ZBTB41: variants seen among roughly 807,000 people sequenced by gnomAD.
ZBTB41 encodes zinc finger and BTB domain containing 41, also known as zinc finger and BTB domain-containing protein 41.
A neutral mutation model predicts 87.6 loss-of-function variants in ZBTB41; 42 were observed. The observed-to-expected ratio is 0.48, with a 90% CI of 0.37 to 0.62. ZBTB41 has a LOEUF of 0.62. Among genes scored for constraint, ZBTB41 ranks in the 20% least tolerant of loss-of-function variants. ZBTB41 has a pLI of 0.00. For synonymous variants in ZBTB41, 364 were observed against 364.0 expected (o/e 1.00, Z 0.00); for missense variants, 799 against 1,078.9 (o/e 0.74, Z 3.63).
rs370667689 is a variant in ZBTB41 at position 197,171,262 on chromosome 1, T to C, written c.2074+898A>G. Among the ~76,000 whole-genome samples the C allele has an allele frequency of 9.2e-5, 14 of 152,112 alleles. No individual in the cohort carries two copies. The East Asian group carries it at 9.6e-4, about 10-fold the overall frequency. On this transcript the variant is annotated intron_variant, in intron 10 of 10. Coordinates refer to ENST00000367405, the MANE Select transcript of ZBTB41 (RefSeq NM_194314.3). Reference sequence around the variant, plus strand: ...ACACTTTTATTTATGCTCTCCCAAATTATGCCTTTTTTTATTTGGAGAGGG... The same window carrying C: ...ACACTTTTATTTATGCTCTCCCAAACTATGCCTTTTTTTATTTGGAGAGGG...
rs904694878 is a variant in ZBTB41 at position 197,157,375 on chromosome 1, C to T, written c.*1984G>A. On this transcript the variant is annotated 3_prime_UTR_variant, in exon 11 of 11. Coordinates refer to ENST00000367405, the MANE Select transcript of ZBTB41 (RefSeq NM_194314.3). Reference sequence around the variant, plus strand: ...ATAAGTCTAAACTTTTCTACATTAGCTTATATGTAAGGCAGGCTACATTTT... The same window carrying T: ...ATAAGTCTAAACTTTTCTACATTAGTTTATATGTAAGGCAGGCTACATTTT... 6.6e-6 allele frequency: 1 copy of T among 151,466 alleles called. No individual in the cohort carries two copies. Among genetic ancestry groups the T allele is most frequent in the African/African-American group, 2.4e-5 (1 of 41,324 alleles). 9.4% of individuals were successfully genotyped at this position (151,466 alleles called of 1,614,324 possible).
rs745997442 is a variant in ZBTB41 at position 197,158,089 on chromosome 1, A to G, written c.*1270T>C. The stretch of plus-strand genomic sequence containing the variant: ...TTATCTTAGTTTTTAGTTAAAATTG[A>G]CTTGAAAATATGGAAAGTGCATGTC... On this transcript the variant is annotated 3_prime_UTR_variant, in exon 11 of 11. Coordinates refer to ENST00000367405, the MANE Select transcript of ZBTB41 (RefSeq NM_194314.3). 1.3e-5 allele frequency: 2 copies of G among 152,390 alleles called. No individual in the cohort carries two copies. Among genetic ancestry groups the G allele is most frequent in the Non-Finnish European group, 2.9e-5 (2 of 67,866 alleles). 9.4% of individuals were successfully genotyped at this position (152,390 alleles called of 1,614,324 possible).
chr1:197,160,098 G>A, intron 10 of ZBTB41, 84 bp from the exon 11 acceptor site: 2 of 1,045,686 alleles, frequency 1.9e-6, no homozygotes, highest in South Asian at 1.6e-5. Flanking sequence ...AACTTCCAAT[G>A]TGAATACTTG....
rs199720512 is a variant in ZBTB41 at position 197,200,315 on chromosome 1, T to A, written c.159A>T (p.Glu53Asp). 775 of 1,614,006 alleles carry A rather than the reference T, an allele frequency of 4.8e-4. 1 individual carries two copies. Among genetic ancestry groups the A allele is most frequent in the Non-Finnish European group, 6.2e-4 (737 of 1,180,014 alleles). Residue 53 changes from glutamate to aspartate, a missense_variant, in exon 2 of 11, where the codon GAA becomes GAT. This residue lies in a region of ZBTB41 where 77 missense variants were observed against 68.4 expected (regional missense o/e 1.13). Transcript: ENST00000367405. ...TTCTCTGATCTGGAGAGGGAGGAAG[T>A]TCCTGGTAACAGTGAAGAGCTTCAG... Reference protein sequence around the residue: ...PTPEALHCYQELPPSPDQRKL... With the variant: ...PTPEALHCYQDLPPSPDQRKL...
Position 197,166,097 on chromosome 1 carries a change from G to T in ZBTB41, c.2074+6063C>A, listed in dbSNP as rs182139794. Among the ~76,000 whole-genome samples, 275 of 152,250 alleles carry T rather than the reference G, an allele frequency of 1.8e-3. 1 individual carries two copies. Among genetic ancestry groups the T allele is most frequent in the African/African-American group, 6.4e-3 (265 of 41,530 alleles). Reference sequence around the variant, plus strand: ...AGTACAAATACCTGATGTAGGTGACGGGTTGATGGGTGCAGGAAACCACCA... The same window carrying T: ...AGTACAAATACCTGATGTAGGTGACTGGTTGATGGGTGCAGGAAACCACCA... On this transcript the variant is annotated intron_variant, in intron 10 of 10. Coordinates refer to ENST00000367405, the MANE Select transcript of ZBTB41 (RefSeq NM_194314.3).
At position 197,159,775 on chromosome 1, in the gene ZBTB41, A is replaced by G. The variant is rs1359925886; in HGVS notation, c.2314T>C (p.Ser772Pro). 2 of 1,613,860 alleles carry G rather than the reference A, an allele frequency of 1.2e-6. No homozygotes were observed. Among genetic ancestry groups the G allele is most frequent in the African/African-American group, 2.7e-5 (2 of 74,896 alleles). The change falls in exon 11 of 11, where the codon TCT becomes CCT. Residue 772 changes from serine (S) to proline (P), a missense_variant. Coordinates refer to ENST00000367405, the MANE Select transcript of ZBTB41 (RefSeq NM_194314.3). ...KLVSLPVEYS[S>P]DDKIFQTETK... ...TCTGTTTGAAAGATTTTGTCATCAG[A>G]TGAGTACTCAACTGGCAAGGATACA...
chr1:197,165,657 A>G (rs187868333), intron 10 of ZBTB41, among the ~76,000 whole-genome samples: 1 of 152,190 alleles, frequency 6.6e-6, no homozygotes, highest in African/African-American at 2.4e-5. Flanking sequence ...TATGGAAGGT[A>G]ACTAAAGCAG....
chr1:197,200,482 A>T lies in ZBTB41; in HGVS notation c.-9T>A. The T allele has an allele frequency of 6.4e-7, 1 of 1,557,128 alleles. No homozygotes were observed. Among genetic ancestry groups the T allele is most frequent in the Non-Finnish European group, 8.6e-7 (1 of 1,157,942 alleles). On this transcript the variant is annotated 5_prime_UTR_variant, in exon 2 of 11. Transcript: ENST00000367405. ...TTTCTCCTCTTCTTCATTGCAGTACAGCAATTTCAGAACAAGAAACTTCAT... is the reference window on the plus strand; with the variant it reads ...TTTCTCCTCTTCTTCATTGCAGTACTGCAATTTCAGAACAAGAAACTTCAT...
chr1:197,195,826 C>T (rs941886136), intron 2 of ZBTB41, among the ~76,000 whole-genome samples: 1 of 152,100 alleles, frequency 6.6e-6, no homozygotes, highest in Non-Finnish European at 1.5e-5. Context: ...GAGAGGAAGA[C>T]AGCCGGTAGC....
At chr1:197,188,790 T>C (rs559108427) in intron 4 of ZBTB41, among the ~76,000 whole-genome samples, 1 of 152,210 alleles carries the variant, frequency 6.6e-6, no homozygotes, top group Non-Finnish European at 1.5e-5. Flanking sequence ...TGTTGCCATA[T>C]ATTTGAATAA....
chr1:197,157,054 A>T lies in ZBTB41; in HGVS notation c.*2305T>A, dbSNP rs1263373844. ...AAAGCATTTTATAAAACAGTAAATC[A>T]CTACTCAAGTTTAAGTTATCTACAA... On this transcript the variant is annotated 3_prime_UTR_variant, in exon 11 of 11. Transcript: ENST00000367405. 1 of 152,214 alleles carries T rather than the reference A, an allele frequency of 6.6e-6. No individual in the cohort carries two copies. Among genetic ancestry groups the T allele is most frequent in the East Asian group, 1.9e-4 (1 of 5,196 alleles). The allele number at this position is 152,214 out of a possible 1,614,324, so 9.4% of individuals were successfully genotyped here.
At chr1:197,196,258 GTGT>G (rs1348167123) in intron 2 of ZBTB41, among the ~76,000 whole-genome samples, 1 of 152,126 alleles carries the variant, frequency 6.6e-6, no homozygotes, top group Non-Finnish European at 1.5e-5. Context: ...TCGAACTCCT[GTGT>G]TGTTATTTTT....
At chr1:197,163,841 C>T (rs1179552338) in intron 10 of ZBTB41, among the ~76,000 whole-genome samples, 2 of 151,426 alleles carry the variant, frequency 1.3e-5, no homozygotes, top group Non-Finnish European at 2.9e-5. Context: ...TCTAAAGTGC[C>T]AAATGAAAAA....
At chr1:197,167,117 G>A (rs1435816938) in intron 10 of ZBTB41, among the ~76,000 whole-genome samples, 1 of 152,060 alleles carries the variant, frequency 6.6e-6, no homozygotes, top group Non-Finnish European at 1.5e-5. Flanking sequence ...CAAAATATAA[G>A]CAAATTGAAT....
intron 10 of ZBTB41, among the ~76,000 whole-genome samples, chr1:197,161,483 T>G (rs1319229269): frequency 3.2e-5 from 2 of 63,354 alleles, no homozygotes; most frequent in Non-Finnish European, 9.0e-5. Context: ...TTGTAGCCCA[T>G]TGGAACCTTC....
chr1:197,157,478 T>C lies in ZBTB41; in HGVS notation c.*1881A>G, dbSNP rs1163271264. The stretch of plus-strand genomic sequence containing the variant: ...CTTTATGATGAAAATCATAAAGATA[T>C]GTATTTTTAAAAGTCAATTTGAAAG... On this transcript the variant is annotated 3_prime_UTR_variant, in exon 11 of 11. Transcript: ENST00000367405. 1 of 151,780 alleles carries C rather than the reference T, an allele frequency of 6.6e-6. No individual in the cohort carries two copies. The highest frequency in any genetic ancestry group is 1.5e-5 in the Non-Finnish European group (1 of 67,722). The allele number at this position is 151,780 out of a possible 1,614,324, so 9.4% of individuals were successfully genotyped here.
chr1:197,171,836 G>A (rs1659486888), intron 10 of ZBTB41, among the ~76,000 whole-genome samples: 1 of 151,808 alleles, frequency 6.6e-6, no homozygotes, highest in Non-Finnish European at 1.5e-5. Flanking sequence ...AAAGCCTTCA[G>A]AAAGCAAAAT....
intron 5 of ZBTB41, among the ~76,000 whole-genome samples, chr1:197,184,185 T>G (rs1659826927): frequency 6.6e-6 from 1 of 152,196 alleles, no homozygotes; most frequent in African/African-American, 2.4e-5. Context: ...CATGAACATG[T>G]CAACTACAGT....
At position 197,158,970 on chromosome 1, in the gene ZBTB41, T is replaced by C. The variant is rs1659132867; in HGVS notation, c.*389A>G. On this transcript the variant is annotated 3_prime_UTR_variant, in exon 11 of 11. Coordinates refer to ENST00000367405, the MANE Select transcript of ZBTB41 (RefSeq NM_194314.3). ...TCTTAATTCCTTCTTAAAGGCTACA[T>C]GGTCCTCAAACTTGTTTGTAAGAAG... 1 of 184,542 alleles carries C rather than the reference T, an allele frequency of 5.4e-6. No individual in the cohort carries two copies. 11.4% of individuals were successfully genotyped at this position (184,542 alleles called of 1,614,324 possible).
Sources: gnomAD v4.1 joint callset for allele counts (sites outside exome capture counted in the v4.1 genomes callset) on GRCh38, gnomAD v4.1.1 for gene constraint, gnomAD v4.1.1 regional missense constraint, MANE v1.5 for transcripts, NCBI Gene and HGNC (gene_info 2026-07-23, HGNC 2026-07-21) for gene names.